Variants in TNIK observed in about 807,000 individuals in gnomAD.
TNIK encodes the protein TRAF2 and NCK interacting kinase, also known as TRAF2 and NCK-interacting protein kinase.
TNIK carries 49 observed loss-of-function variants against 191.3 expected under a neutral mutation model. The ratio of observed to expected loss-of-function variants is 0.26; its 90% CI spans 0.20 to 0.32. The LOEUF (loss-of-function observed/expected upper bound fraction) is 0.32, where lower values mean the gene tolerates loss of function less well. Ranked by LOEUF, TNIK falls within the 10% of genes least tolerant of loss-of-function variation. The pLI is 1.00. For missense variants in TNIK, 1,155 were observed against 1,702.3 expected, an observed-to-expected ratio of 0.68 and a Z score of 5.66; for synonymous variants, 594 against 600.9, an observed-to-expected ratio of 0.99 and a Z score of 0.17.
chr3:171,315,434 C>A (rs1754497318), intron 2 of TNIK, among the ~76,000 whole-genome samples: 1 of 152,112 alleles, frequency 6.6e-6, no homozygotes, highest in South Asian at 2.1e-4. Context: ...ATCATTGACC[C>A]ACACATTAGT....
intron 2 of TNIK, among the ~76,000 whole-genome samples, chr3:171,305,558 T>C (rs377418980): frequency 5.9e-5 from 9 of 152,210 alleles, no homozygotes; most frequent in African/African-American, 2.2e-4. Context: ...GCAAAGGACA[T>C]GAAAAGACAC....
chr3:171,427,092 A>T (rs1724740458), intron 1 of TNIK, among the ~76,000 whole-genome samples: 1 of 152,302 alleles, frequency 6.6e-6, no homozygotes, highest in African/African-American at 2.4e-5. Flanking sequence ...TCCTTTTGTT[A>T]GTTGATGTAT....
chr3:171,140,488 G>C lies in TNIK; in HGVS notation c.1243C>G (p.Leu415Val). Residue 415 changes from leucine to valine, a missense_variant, in exon 13 of 33, where the codon CTG becomes GTG. Coordinates refer to ENST00000436636, the MANE Select transcript of TNIK (RefSeq NM_015028.4). ...TGCTCCCTCTCCTGCTGCTTCCGCAGCTCCTTCTCTCGCCTTTGTTGCTGT... is the reference window on the plus strand; with the variant it reads ...TGCTCCCTCTCCTGCTGCTTCCGCACCTCCTTCTCTCGCCTTTGTTGCTGT... Reference protein sequence around the residue: ...LEEQQRREKELRKQQEREQRR... With the variant: ...LEEQQRREKEVRKQQEREQRR... The C allele has an allele frequency of 1.9e-6, 3 of 1,613,466 alleles. No homozygotes were observed. Among genetic ancestry groups the C allele is most frequent in the Non-Finnish European group, 2.5e-6 (3 of 1,179,760 alleles).
chr3:171,247,120 G>T (rs16856044), intron 2 of TNIK, among the ~76,000 whole-genome samples: 10,797 of 152,306 alleles, frequency 0.071, 465 homozygotes, highest in Middle Eastern at 0.12. Context: ...CACGTAAGGA[G>T]TACGATGTTA....
intron 2 of TNIK, among the ~76,000 whole-genome samples, chr3:171,229,750 A>AC (rs1743379672): frequency 6.6e-6 from 1 of 151,930 alleles, no homozygotes; most frequent in Admixed American, 6.6e-5. Context: ...TCCGCTTTTG[A>AC]CCCCCATTCT....
intron 2 of TNIK, among the ~76,000 whole-genome samples, chr3:171,318,675 A>C (rs907264811): frequency 6.6e-6 from 1 of 152,144 alleles, no homozygotes; most frequent in Non-Finnish European, 1.5e-5. Context: ...CAAGATATCA[A>C]AATTTTTTTA....
intron 7 of TNIK, among the ~76,000 whole-genome samples, chr3:171,184,442 G>T (rs909688390): frequency 6.6e-6 from 1 of 152,208 alleles, no homozygotes; most frequent in Non-Finnish European, 1.5e-5. Flanking sequence ...AGCATGTTGC[G>T]TGGAGGAGGT....
intron 1 of TNIK, among the ~76,000 whole-genome samples, chr3:171,412,435 A>T (rs1423186538): frequency 2.0e-5 from 3 of 152,218 alleles, no homozygotes. Context: ...TCTTTTTCTG[A>T]GGTCCAGAAT....
intron 1 of TNIK, among the ~76,000 whole-genome samples, chr3:171,397,972 C>T (rs1037014705): frequency 2.6e-5 from 4 of 152,126 alleles, no homozygotes; most frequent in South Asian, 4.1e-4. Flanking sequence ...TATTCTTAAC[C>T]ACACTGCTGG....
intron 29 of TNIK, among the ~76,000 whole-genome samples, chr3:171,070,462 CAG>C (rs943893695): frequency 2.6e-5 from 4 of 151,474 alleles, no homozygotes; most frequent in African/African-American, 7.3e-5. Context: ...GAGAGAGAGA[CAG>C]AGAGAGATCA....
chr3:171,075,125 CATT>C (rs763357459), intron 28 of TNIK, among the ~76,000 whole-genome samples: 21 of 152,154 alleles, frequency 1.4e-4, no homozygotes, highest in Non-Finnish European at 2.6e-4. Flanking sequence ...AGAAATTTTG[CATT>C]ATTTCCTGCA....
chr3:171,398,549 T>C (rs1026001818), intron 1 of TNIK, among the ~76,000 whole-genome samples: 14 of 152,182 alleles, frequency 9.2e-5, no homozygotes, highest in Admixed American at 3.3e-4. Flanking sequence ...TCACAATTTG[T>C]ACCCAGTCCA....
At chr3:171,367,485 G>T (rs1559982520) in intron 2 of TNIK, among the ~76,000 whole-genome samples, 6 of 104,906 alleles carry the variant, frequency 5.7e-5, no homozygotes, top group South Asian at 2.8e-4. Context: ...GGGGGGGGGG[G>T]AGGGGACAGA....
chr3:171,167,458 T>A (rs1368689253), intron 9 of TNIK, among the ~76,000 whole-genome samples, 188 bp from the exon 10 acceptor site: 1 of 152,210 alleles, frequency 6.6e-6, no homozygotes, highest in Non-Finnish European at 1.5e-5. Context: ...ATCATCATCA[T>A]CAACGTGCAA....
intron 2 of TNIK, among the ~76,000 whole-genome samples, chr3:171,305,064 A>T (rs1753303822): frequency 6.8e-6 from 1 of 146,530 alleles, no homozygotes; most frequent in Non-Finnish European, 1.5e-5. Flanking sequence ...AAAAAAAAGG[A>T]AAAAGTAAAG....
rs762447384 is a variant in TNIK at position 171,125,971 on chromosome 3, G to A, written c.1954C>T (p.Arg652Cys). The A allele has an allele frequency of 9.9e-6, 16 of 1,613,816 alleles. No homozygotes were observed. The highest frequency in any genetic ancestry group is 8.0e-5 in the African/African-American group (6 of 74,912). The part of the protein sequence containing the change: ...PTSENPPLPT[R>C]IEKFDRSSWL... ...GAGCTTCGGTCAAACTTTTCAATGC[G>A]AGTGGGGAGAGGAGGATTTTCCGAG... The change falls in exon 17 of 33, where the codon CGC becomes TGC. Residue 652 changes from arginine (R) to cysteine (C), a missense_variant. By Grantham distance (180) the Arg-to-Cys change is radical (BLOSUM62 -3). This residue lies in a region of TNIK where 735 missense variants were observed against 848.0 expected (regional missense o/e 0.87). Transcript: ENST00000436636.
intron 4 of TNIK, among the ~76,000 whole-genome samples, chr3:171,208,187 G>A (rs1476171463): frequency 6.6e-6 from 1 of 152,112 alleles, no homozygotes; most frequent in Non-Finnish European, 1.5e-5. Context: ...TGGGCATAGT[G>A]GCGTGCTCTT....
chr3:171,448,569 C>CTTTTTT (rs79607104), intron 1 of TNIK, among the ~76,000 whole-genome samples: 8 of 126,414 alleles, frequency 6.3e-5, no homozygotes, highest in African/African-American at 2.1e-4. Context: ...TTCATGTACA[C>CTTTTTT]TTTTTTTTTT....
intron 4 of TNIK, among the ~76,000 whole-genome samples, chr3:171,195,485 T>A (rs1738569557): frequency 6.6e-6 from 1 of 152,198 alleles, no homozygotes; most frequent in Non-Finnish European, 1.5e-5. Flanking sequence ...CCTGACTTAG[T>A]AGTAGAGACA....
Sources: allele counts gnomAD v4.1 joint callset (sites outside exome capture counted in the v4.1 genomes callset), GRCh38; gene constraint gnomAD v4.1.1; regional missense constraint gnomAD v4.1.1; transcripts MANE v1.5; gene names NCBI Gene and HGNC (gene_info 2026-07-23, HGNC 2026-07-21).